CSMD1: variants seen among roughly 807,000 people sequenced by gnomAD.
The protein encoded by CSMD1 is CUB and Sushi multiple domains 1.
CSMD1 carries 213 observed loss-of-function variants against 417.5 expected under a neutral mutation model. The observed-to-expected ratio is 0.51, with a 90% confidence interval of 0.46 to 0.57. CSMD1 has a LOEUF of 0.57. CSMD1 is among the 20% of genes least tolerant of loss of function. CSMD1 has a pLI of 0.00. For missense variants in CSMD1, 6,923 were observed against 4,529.7 expected, an observed-to-expected ratio of 1.53 and a Z score of -15.17; for synonymous variants, 2,862 against 1,736.8, an observed-to-expected ratio of 1.65 and a Z score of -16.11.
chr8:3,998,070 G>T lies in CSMD1; in HGVS notation c.651C>A (p.Ser217Arg). 1.9e-6 allele frequency: 3 copies of T among 1,591,026 alleles called. No individual in the cohort carries two copies. The highest frequency in any genetic ancestry group is 2.6e-6 in the Non-Finnish European group (3 of 1,168,034). The change falls in exon 5 of 70, where the codon AGC becomes AGA. Residue 217 changes from serine (S) to arginine (R), a missense_variant. Physicochemically the swap from Ser to Arg is moderately radical, Grantham distance 110. Transcript: ENST00000635120. Reference protein sequence around the residue: ...ACGGTLRGTSSSISSPHFPSE... With the variant: ...ACGGTLRGTSRSISSPHFPSE... Reference sequence around the variant, plus strand: ...AAGGGAAGTGCGGGCTGGAGATGGAGCTGCTGGTCCCGCGTAAGGTTCCTC... The same window carrying T: ...AAGGGAAGTGCGGGCTGGAGATGGATCTGCTGGTCCCGCGTAAGGTTCCTC...
chr8:3,423,164 T>C (rs1427063612), intron 12 of CSMD1, among the ~76,000 whole-genome samples: 1 of 152,208 alleles, frequency 6.6e-6, no homozygotes, highest in East Asian at 1.9e-4. Flanking sequence ...AATTAAGGAA[T>C]GAATTAGGTA....
chr8:4,111,486 A>C (rs186424953), intron 3 of CSMD1, among the ~76,000 whole-genome samples: 9 of 152,344 alleles, frequency 5.9e-5, no homozygotes, highest in Admixed American at 4.6e-4. Flanking sequence ...TCATTGCAGC[A>C]CTATCCACAA....
chr8:3,555,324 T>G (rs1308119288), intron 10 of CSMD1, among the ~76,000 whole-genome samples: 2 of 152,160 alleles, frequency 1.3e-5, no homozygotes, highest in Non-Finnish European at 2.9e-5. Flanking sequence ...GTTTTCATTC[T>G]GTTCTTGGGA....
At chr8:4,100,519 G>T (rs923708880) in intron 3 of CSMD1, among the ~76,000 whole-genome samples, 1 of 152,000 alleles carries the variant, frequency 6.6e-6, no homozygotes, top group Non-Finnish European at 1.5e-5. Flanking sequence ...ATTAAAAATG[G>T]GTATCTTATA....
At chr8:3,814,515 G>A (rs955226019) in intron 5 of CSMD1, among the ~76,000 whole-genome samples, 11 of 152,140 alleles carry the variant, frequency 7.2e-5, no homozygotes, top group African/African-American at 2.4e-4. Flanking sequence ...CTTCCGTGAC[G>A]CCATTTGGCA....
chr8:2,942,335 G>A, intron 69 of CSMD1, 137 bp downstream of exon 69: 4 of 816,612 alleles, frequency 4.9e-6, no homozygotes, highest in East Asian at 2.8e-5. Flanking sequence ...CAAAATAAAA[G>A]TTGATTTAAA....
chr8:4,690,066 C>T (rs149715338), intron 1 of CSMD1, among the ~76,000 whole-genome samples: 226 of 152,192 alleles, frequency 1.5e-3, no homozygotes, highest in African/African-American at 5.2e-3. Flanking sequence ...TAACATTATA[C>T]GGAGAAGAGT....
In CSMD1 at chr8:3,076,639, G is replaced by A. The variant is rs539459964; in HGVS notation, c.7474+10458C>T. ...TTTAAAAGTTGAAGACTGCACCACC[G>A]CTGGCCTAATTTCAAGCTGTTTCCT... On this transcript the variant is annotated intron_variant, in intron 49 of 69. Transcript: ENST00000635120. Among the ~76,000 whole-genome samples the A allele has an allele frequency of 1.1e-4, 17 of 152,182 alleles. No individual in the cohort carries two copies. The East Asian group carries it at 2.5e-3, about 23-fold the overall frequency.
chr8:3,866,368 T>A (rs185539619), intron 5 of CSMD1, among the ~76,000 whole-genome samples: 14 of 152,316 alleles, frequency 9.2e-5, no homozygotes, highest in Admixed American at 7.8e-4. Context: ...TACAGAACAT[T>A]CATGTATTTC....
chr8:3,628,869 T>TTC (rs10623953), intron 7 of CSMD1, among the ~76,000 whole-genome samples: 2 of 59,032 alleles, frequency 3.4e-5, no homozygotes, highest in Non-Finnish European at 8.5e-5. Flanking sequence ...ATAATCTAAG[T>TTC]TTTTTTAAAA....
intron 3 of CSMD1, among the ~76,000 whole-genome samples, chr8:4,100,917 T>C (rs1248106212): frequency 2.0e-5 from 3 of 152,160 alleles, no homozygotes; most frequent in African/African-American, 4.8e-5. Flanking sequence ...AAGTGGTGTA[T>C]ATGAAGGTGG....
chr8:4,161,767 A>C (rs574864365), intron 3 of CSMD1, among the ~76,000 whole-genome samples: 1 of 152,324 alleles, frequency 6.6e-6, no homozygotes, highest in South Asian at 2.1e-4. Context: ...TCAAGGAATC[A>C]GATATTTTGA....
intron 1 of CSMD1, among the ~76,000 whole-genome samples, chr8:4,641,166 C>A (rs1803165946): frequency 6.6e-6 from 1 of 151,486 alleles, no homozygotes; most frequent in African/African-American, 2.4e-5. Context: ...CACAGAGAAA[C>A]ATACATGCAA....
intron 3 of CSMD1, among the ~76,000 whole-genome samples, chr8:4,300,139 A>G (rs955101344): frequency 2.0e-5 from 3 of 152,306 alleles, no homozygotes; most frequent in South Asian, 2.1e-4. Context: ...TTTTGACTGC[A>G]TAGTTATCTT....
chr8:4,583,552 C>T (rs1170387118), intron 2 of CSMD1, among the ~76,000 whole-genome samples: 5 of 152,034 alleles, frequency 3.3e-5, no homozygotes, highest in Admixed American at 3.3e-4. Flanking sequence ...TGTAAACACA[C>T]CAATCAGCAC....
At chr8:4,300,445 A>G (rs559395009) in intron 3 of CSMD1, among the ~76,000 whole-genome samples, 21 of 152,370 alleles carry the variant, frequency 1.4e-4, no homozygotes, top group African/African-American at 4.8e-4. Context: ...CCATCCCTAA[A>G]GAACTGAGTG....
chr8:3,508,040 T>C (rs1353946449), intron 10 of CSMD1, among the ~76,000 whole-genome samples: 1 of 152,232 alleles, frequency 6.6e-6, no homozygotes, highest in East Asian at 1.9e-4. Flanking sequence ...TTTTGGCTTT[T>C]GTTGCCATTG....
At chr8:4,051,308 C>CAAAAAAAAAAAAA (rs5889012) in intron 3 of CSMD1, among the ~76,000 whole-genome samples, 1 of 140,510 alleles carries the variant, frequency 7.1e-6, no homozygotes, top group African/African-American at 2.7e-5. Context: ...TTTGAAGACT[C>CAAAAAAAAAAAAA]AAAAAAAAAA....
At chr8:4,178,282 A>C (rs1798168670) in intron 3 of CSMD1, among the ~76,000 whole-genome samples, 1 of 152,022 alleles carries the variant, frequency 6.6e-6, no homozygotes, top group African/African-American at 2.4e-5. Flanking sequence ...CAATATACGC[A>C]AATCAATAAA....
Sources: allele counts gnomAD v4.1 joint callset (sites outside exome capture counted in the v4.1 genomes callset), GRCh38; gene constraint gnomAD v4.1.1; transcripts MANE v1.5; gene names NCBI Gene and HGNC (gene_info 2026-07-23, HGNC 2026-07-21).